PHACTR3: variants seen among roughly 807,000 people sequenced by gnomAD.
The protein encoded by PHACTR3 is phosphatase and actin regulator 3.
PHACTR3 carries 16 observed loss-of-function variants against 66.8 expected under a neutral mutation model. The ratio of observed to expected loss-of-function variants is 0.24; its 90% CI spans 0.16 to 0.36. PHACTR3 has a LOEUF of 0.36. PHACTR3 is among the 10% of genes least tolerant of loss of function. The pLI is 1.00. For synonymous variants in PHACTR3, 323 were observed against 292.1 expected, an observed-to-expected ratio of 1.11 and a Z score of -1.08; for missense variants, 647 against 719.9, an observed-to-expected ratio of 0.90 and a Z score of 1.16.
In PHACTR3 at chr20:59,633,150, C is replaced by T. The variant is rs549668951; in HGVS notation, c.118+28018C>T. Among the ~76,000 whole-genome samples, 28 of 152,216 alleles carry T rather than the reference C, an allele frequency of 1.8e-4. 1 individual carries two copies. The South Asian group carries it at 5.4e-3, about 29-fold the overall frequency. ...CGTGTGCTAGAGATTAGGCTTTTCTCGTGAAAGTAGGGTTTTGAAATATAA... is the reference window on the plus strand; with the variant it reads ...CGTGTGCTAGAGATTAGGCTTTTCTTGTGAAAGTAGGGTTTTGAAATATAA... On this transcript the variant is annotated intron_variant, in intron 1 of 12. Coordinates refer to ENST00000371015, the MANE Select transcript of PHACTR3 (RefSeq NM_080672.5).
chr20:59,765,524 C>G (rs146179924), intron 4 of PHACTR3, among the ~76,000 whole-genome samples: 1 of 152,118 alleles, frequency 6.6e-6, no homozygotes, highest in Non-Finnish European at 1.5e-5. Context: ...GGAGGGCTGG[C>G]CTTTCTGAGA....
chr20:59,685,139 G>A (rs917911460), intron 1 of PHACTR3, among the ~76,000 whole-genome samples: 3 of 152,144 alleles, frequency 2.0e-5, no homozygotes, highest in Non-Finnish European at 4.4e-5. Flanking sequence ...TGCTCTTGGG[G>A]CCCTGCACCC....
chr20:59,743,342 C>T, intron 2 of PHACTR3, 74 bp downstream of exon 2: 1 of 1,556,770 alleles, frequency 6.4e-7, no homozygotes, highest in South Asian at 1.2e-5. Context: ...GCGGCCCCTG[C>T]TGATCTGTGA....
chr20:59,716,240 G>A (rs1601172293), intron 1 of PHACTR3, among the ~76,000 whole-genome samples: 1 of 150,408 alleles, frequency 6.6e-6, no homozygotes, highest in Admixed American at 6.6e-5. Flanking sequence ...GTGTGTGTGT[G>A]TGTGTGTGTG....
chr20:59,701,321 C>T (rs184518669), intron 1 of PHACTR3, among the ~76,000 whole-genome samples: 1 of 152,288 alleles, frequency 6.6e-6, no homozygotes, highest in East Asian at 1.9e-4. Context: ...GATGAGAAAA[C>T]AGTGGTCCAG....
At chr20:59,760,465 C>T (rs1350021603) in intron 4 of PHACTR3, among the ~76,000 whole-genome samples, 1 of 152,068 alleles carries the variant, frequency 6.6e-6, no homozygotes, top group African/African-American at 2.4e-5. Context: ...GGGGTGGTTT[C>T]CCCAGTACTG....
chr20:59,608,752 C>A (rs576488954), intron 1 of PHACTR3, among the ~76,000 whole-genome samples: 1 of 152,242 alleles, frequency 6.6e-6, no homozygotes, highest in Non-Finnish European at 1.5e-5. Flanking sequence ...AGCTCCAGAC[C>A]TCTGTGTTCT....
intron 1 of PHACTR3, among the ~76,000 whole-genome samples, chr20:59,699,576 A>C (rs766271014): frequency 1.8e-4 from 28 of 152,172 alleles, no homozygotes; most frequent in Non-Finnish European, 3.4e-4. Flanking sequence ...TTTAATAGAC[A>C]ATACATGTAT....
intron 1 of PHACTR3, among the ~76,000 whole-genome samples, chr20:59,725,227 C>G (rs150158476): frequency 2.8e-5 from 4 of 141,728 alleles, no homozygotes; most frequent in Admixed American, 6.8e-5. Context: ...GCCCAGGTGT[C>G]CTGTGTGCTC....
chr20:59,830,022 T>C lies in PHACTR3; in HGVS notation c.1329-6483T>C, dbSNP rs2042306232. 6.6e-6 allele frequency among the ~76,000 whole-genome samples: 1 copy of C among 152,220 alleles called. No individual in the cohort carries two copies. The highest frequency in any genetic ancestry group is 2.1e-4 in the South Asian group (1 of 4,832). On this transcript the variant is annotated intron_variant, in intron 8 of 12. Coordinates refer to ENST00000371015, the MANE Select transcript of PHACTR3 (RefSeq NM_080672.5). The surrounding 1 kb of genome is among the most constrained non-coding windows in gnomAD (Gnocchi z 5.8). ...GCAGCCCCTGCTGCTGTGCTCATCA[T>C]GCAGGAAGGCAGTCAGCTGAGCAGT...
intron 7 of PHACTR3, among the ~76,000 whole-genome samples, chr20:59,789,517 G>A (rs909385315): frequency 2.0e-5 from 3 of 152,116 alleles, no homozygotes; most frequent in African/African-American, 7.2e-5. Context: ...TAGGAGTAAG[G>A]GGCATACCTT....
intron 1 of PHACTR3, among the ~76,000 whole-genome samples, chr20:59,582,112 TC>T (rs1568914447): frequency 6.6e-6 from 1 of 152,098 alleles, no homozygotes; most frequent in Non-Finnish European, 1.5e-5. Context: ...ACATGAATCC[TC>T]CCCCCGCCCG....
chr20:59,617,556 T>C (rs2034073574), intron 1 of PHACTR3, among the ~76,000 whole-genome samples: 1 of 151,950 alleles, frequency 6.6e-6, no homozygotes, highest in African/African-American at 2.4e-5. Flanking sequence ...TTTTTTTTTT[T>C]CTGTTTTGTT....
intron 1 of PHACTR3, among the ~76,000 whole-genome samples, chr20:59,723,102 CTTTCT>C (rs1451463686): frequency 2.9e-5 from 4 of 135,630 alleles, no homozygotes; most frequent in African/African-American, 8.8e-5. Flanking sequence ...TTCTTTCTTT[CTTTCT>C]TTCTTTCTTT....
At chr20:59,786,561 C>G (rs970853605) in intron 7 of PHACTR3, among the ~76,000 whole-genome samples, 2 of 152,302 alleles carry the variant, frequency 1.3e-5, no homozygotes, top group Admixed American at 1.3e-4. Context: ...GGCCATTGTG[C>G]GCGGCATGGC....
At chr20:59,773,706 G>A (rs1006097161) in intron 6 of PHACTR3, among the ~76,000 whole-genome samples, 3 of 152,256 alleles carry the variant, frequency 2.0e-5, no homozygotes, top group East Asian at 1.9e-4. Context: ...AGTCCTGTGC[G>A]TGAGCCCCTC....
At chr20:59,785,954 C>A (rs2040900513) in intron 7 of PHACTR3, among the ~76,000 whole-genome samples, 1 of 152,196 alleles carries the variant, frequency 6.6e-6, no homozygotes, top group South Asian at 2.1e-4. Flanking sequence ...CCTGCATCCC[C>A]AGGTAGCACT....
intron 7 of PHACTR3, among the ~76,000 whole-genome samples, chr20:59,779,032 C>T (rs1006513755): frequency 6.6e-6 from 1 of 152,216 alleles, no homozygotes; most frequent in Non-Finnish European, 1.5e-5. Flanking sequence ...GCCCCCTTTC[C>T]TCCATGGGCC....
At chr20:59,701,154 A>G (rs941625012) in intron 1 of PHACTR3, among the ~76,000 whole-genome samples, 6 of 152,152 alleles carry the variant, frequency 3.9e-5, no homozygotes, top group African/African-American at 1.4e-4. Context: ...CCCACATAAT[A>G]AAAATATGGA....
Sources: gnomAD v4.1 joint callset for allele counts (sites outside exome capture counted in the v4.1 genomes callset) on GRCh38, gnomAD v4.1.1 for gene constraint, Gnocchi (gnomAD v3.1) non-coding constraint, MANE v1.5 for transcripts, NCBI Gene and HGNC (gene_info 2026-07-23, HGNC 2026-07-21) for gene names.